TBXAS1: variants seen among roughly 807,000 people sequenced by gnomAD.
The protein encoded by TBXAS1 is thromboxane-A synthase.
In TBXAS1, 48 loss-of-function variants were observed where a neutral mutation model predicts 60.7. The ratio of observed to expected loss-of-function variants is 0.79; its 90% CI spans 0.63 to 1.01. The LOEUF (loss-of-function observed/expected upper bound fraction) is 1.01, where lower values mean the gene tolerates loss of function less well. Ranked by LOEUF, TBXAS1 falls within the 50% of genes least tolerant of loss-of-function variation. The probability of loss-of-function intolerance (pLI) is 0.00; values close to 1 mark genes in which losing one functional copy is unlikely to be tolerated. For missense variants in TBXAS1, 685 were observed against 686.3 expected (o/e 1.00, Z 0.02); for synonymous variants, 287 against 269.7 (o/e 1.06, Z -0.63).
chr7:139,829,357 T>TG lies in TBXAS1; in HGVS notation c.-32dup. ...GGCGAGATCAGCCTCCTGTCTCATC[T>TG]GGAAGACCACCACTCTGGGGTCTCA... On this transcript the variant is annotated 5_prime_UTR_variant, in exon 1 of 13. Transcript: ENST00000448866. 1 of 1,604,628 alleles carries TG rather than the reference T, an allele frequency of 6.2e-7. No individual in the cohort carries two copies. Among genetic ancestry groups the TG allele is most frequent in the Non-Finnish European group, 8.5e-7 (1 of 1,173,794 alleles).
chr7:139,785,574 T>TG (rs1797166481), intron 3 of TBXAS1, among the ~76,000 whole-genome samples: 2 of 152,018 alleles, frequency 1.3e-5, no homozygotes, highest in African/African-American at 2.4e-5. Context: ...ACCTCCTCCT[T>TG]GGACTGCTGC....
intron 4 of TBXAS1, among the ~76,000 whole-genome samples, chr7:139,820,073 G>A (rs568003692): frequency 1.3e-5 from 2 of 151,996 alleles, no homozygotes; most frequent in Non-Finnish European, 1.5e-5. Context: ...CATGCTGTCT[G>A]TCTCCTTATG....
At chr7:139,861,420 T>A (rs1320390208) in intron 1 of TBXAS1, among the ~76,000 whole-genome samples, 1 of 42,734 alleles carries the variant, frequency 2.3e-5, no homozygotes, top group African/African-American at 1.1e-4. Context: ...CTTTTTAGAA[T>A]TTTTTTTTTT....
At position 139,829,483 on chromosome 7, in the gene TBXAS1, A is replaced by C; in HGVS notation, c.89+4A>C. The C allele has an allele frequency of 6.2e-7, 1 of 1,613,186 alleles. No individual in the cohort carries two copies. Among genetic ancestry groups the C allele is most frequent in the Non-Finnish European group, 8.5e-7 (1 of 1,179,642 alleles). ...CTCTCTTGGCCCTCCTGAAATGGTA[A>C]GTGCAGCCAGCCCTAGGGACTGTGA... On this transcript the variant is annotated splice_donor_region_variant and intron_variant, in intron 1 of 12. Coordinates refer to ENST00000448866, the MANE Select transcript of TBXAS1 (RefSeq NM_001061.7).
At position 140,016,191 on chromosome 7, in the gene TBXAS1, G is replaced by A. The variant is rs945732165; in HGVS notation, c.1364+331G>A. 1.1e-3 allele frequency among the ~76,000 whole-genome samples: 173 copies of A among 152,140 alleles called. 1 individual carries two copies. Among genetic ancestry groups the A allele is most frequent in the Middle Eastern group, 6.8e-3 (2 of 294 alleles). ...AAAATACAAAAACTTAGCTGGGCGT[G>A]GTGGCGGGCGCCTGTAGTCCCAGCT... On this transcript the variant is annotated intron_variant, in intron 11 of 12. Coordinates refer to ENST00000448866, the MANE Select transcript of TBXAS1 (RefSeq NM_001061.7).
chr7:139,951,950 A>AAAAGAGAAAGAAAG, intron 5 of TBXAS1, among the ~76,000 whole-genome samples: 1 of 42,008 alleles, frequency 2.4e-5, no homozygotes, highest in East Asian at 5.8e-4. Flanking sequence ...GGAAAGAAAG[A>AAAAGAGAAAGAAAG]AAAGAAAGAA....
intron 4 of TBXAS1, among the ~76,000 whole-genome samples, chr7:139,919,492 A>G (rs1250439059): frequency 6.6e-6 from 1 of 152,228 alleles, no homozygotes; most frequent in Non-Finnish European, 1.5e-5. Flanking sequence ...TCATCTGTCA[A>G]GTCATCCCAG....
chr7:139,840,082 A>T (rs1468419190), intron 1 of TBXAS1, among the ~76,000 whole-genome samples: 1 of 152,044 alleles, frequency 6.6e-6, no homozygotes, highest in Non-Finnish European at 1.5e-5. Flanking sequence ...GTGATTGGTG[A>T]TTATTAAGAT....
intron 1 of TBXAS1, among the ~76,000 whole-genome samples, chr7:139,870,607 T>C (rs1478038530): frequency 6.6e-6 from 1 of 152,230 alleles, no homozygotes; most frequent in African/African-American, 2.4e-5. Flanking sequence ...TGACTAATCC[T>C]TGGCGTTCAC....
At chr7:139,908,888 C>T (rs903370083) in intron 3 of TBXAS1, among the ~76,000 whole-genome samples, 5 of 152,172 alleles carry the variant, frequency 3.3e-5, no homozygotes, top group African/African-American at 1.2e-4. Context: ...AGTTTTCCTT[C>T]ATCAGAGAAT....
chr7:139,911,351 G>A (rs964161573), intron 4 of TBXAS1, 30 bp downstream of exon 4: 3 of 1,561,752 alleles, frequency 1.9e-6, no homozygotes, highest in Non-Finnish European at 2.6e-6. Context: ...CATATAGATG[G>A]ATGGGGAATT....
intron 1 of TBXAS1, among the ~76,000 whole-genome samples, chr7:139,835,781 A>C (rs1585586304): frequency 6.6e-6 from 1 of 152,312 alleles, no homozygotes; most frequent in East Asian, 1.9e-4. Context: ...TAGCCAGAGC[A>C]ATCAGACAAG....
intron 1 of TBXAS1, among the ~76,000 whole-genome samples, chr7:139,869,252 T>G (rs761767484): frequency 3.0e-4 from 45 of 152,188 alleles, no homozygotes; most frequent in Non-Finnish European, 6.2e-4. Context: ...ATACCTTGGC[T>G]TGCAGTGGCC....
At chr7:139,872,579 A>G (rs112192477) in intron 2 of TBXAS1, among the ~76,000 whole-genome samples, 24 of 152,314 alleles carry the variant, frequency 1.6e-4, no homozygotes, top group African/African-American at 5.5e-4. Context: ...ACTTGAACCC[A>G]GGAGGTGGAG....
chr7:139,967,029 G>A (rs143934025), intron 9 of TBXAS1, among the ~76,000 whole-genome samples: 63 of 152,214 alleles, frequency 4.1e-4, no homozygotes, highest in Non-Finnish European at 7.5e-4. Flanking sequence ...CAGGTCTGAA[G>A]TCCTCACTGC....
chr7:139,982,197 T>C (rs1200864470), intron 9 of TBXAS1, among the ~76,000 whole-genome samples: 2 of 152,248 alleles, frequency 1.3e-5, no homozygotes, highest in Non-Finnish European at 2.9e-5. Context: ...GTTAATCTTA[T>C]TGTATATCTG....
intron 7 of TBXAS1, 70 bp downstream of exon 7, chr7:139,955,677 G>A: frequency 6.2e-7 from 1 of 1,603,598 alleles, no homozygotes; most frequent in Non-Finnish European, 8.5e-7. Context: ...GACACCTGGG[G>A]TGGCTTCTGG....
chr7:139,839,477 G>A (rs1447341005), intron 1 of TBXAS1, among the ~76,000 whole-genome samples: 10 of 152,104 alleles, frequency 6.6e-5, no homozygotes, highest in Admixed American at 3.9e-4. Context: ...GGAAGGGCTT[G>A]TAGTACCAAG....
At chr7:139,868,975 C>G (rs1233022490) in intron 1 of TBXAS1, among the ~76,000 whole-genome samples, 2 of 151,818 alleles carry the variant, frequency 1.3e-5, no homozygotes, top group Non-Finnish European at 2.9e-5. Flanking sequence ...TTTTTTTACA[C>G]TTTGTAGAGG....
Sources: gnomAD v4.1 joint callset for allele counts (sites outside exome capture counted in the v4.1 genomes callset) on GRCh38, gnomAD v4.1.1 for gene constraint, MANE v1.5 for transcripts, NCBI Gene and HGNC (gene_info 2026-07-23, HGNC 2026-07-21) for gene names.